TTC34: variants seen among roughly 807,000 people sequenced by gnomAD.
TTC34 encodes tetratricopeptide repeat protein 34.
Under a neutral mutation model 40.7 loss-of-function variants are expected in TTC34, and 44 were observed. The observed-to-expected ratio is 1.08, with a 90% confidence interval of 0.85 to 1.39. The LOEUF (loss-of-function observed/expected upper bound fraction) is 1.39. Ranked by LOEUF, TTC34 falls within the 40% of genes most tolerant of loss-of-function variation. The pLI is 0.00. For synonymous variants in TTC34, 422 were observed against 398.6 expected (o/e 1.06, Z -0.70); for missense variants, 884 against 838.0 (o/e 1.05, Z -0.68).
At chr1:2,789,155 G>T (rs953706366) in intron 3 of TTC34, among the ~76,000 whole-genome samples, 7 of 152,202 alleles carry the variant, frequency 4.6e-5, no homozygotes, top group African/African-American at 1.2e-4. Context: ...GGCGCAGGTC[G>T]GGGCGGTGCT....
chr1:2,646,360 A>G (rs943925541), intron 6 of TTC34, among the ~76,000 whole-genome samples: 8 of 152,172 alleles, frequency 5.3e-5, no homozygotes, highest in Non-Finnish European at 7.3e-5. Context: ...GCATTTCCTC[A>G]CATAGTGCAT....
chr1:2,642,181 G>C (rs896688440), intron 8 of TTC34, among the ~76,000 whole-genome samples: 2 of 152,204 alleles, frequency 1.3e-5, no homozygotes, highest in African/African-American at 4.8e-5. Flanking sequence ...TGGCATCCTT[G>C]CCCACTGCTC....
chr1:2,681,086 C>A (rs796530519), intron 6 of TTC34, among the ~76,000 whole-genome samples: 240 of 43,616 alleles, frequency 5.5e-3, no homozygotes, highest in South Asian at 0.011. Context: ...ATCTGACAGC[C>A]TAGAGCAGTG....
At chr1:2,676,963 C>A (rs59386458) in intron 6 of TTC34, among the ~76,000 whole-genome samples, 9 of 116,690 alleles carry the variant, frequency 7.7e-5, no homozygotes, top group Non-Finnish European at 1.3e-4. Flanking sequence ...GAACAGCACC[C>A]TGCACCCCCA....
At position 2,645,544 on chromosome 1, in the gene TTC34, A is replaced by G. The variant is rs1046850219; in HGVS notation, c.2246T>C (p.Val749Ala). The change falls in exon 7 of 9, where the codon GTC becomes GCC. Residue 749 changes from valine (V) to alanine (A), a missense_variant. Coordinates refer to ENST00000401095, the Ensembl canonical transcript of TTC34. This position sits in a 1 kb window ranked among gnomAD's most constrained non-coding sequence, Gnocchi z 4.7. ...CCCGGGGCCGAGCTTCAGAGCAGAG[A>G]CGATGTCGTCCACGGCTTCCTGCAA... 7.7e-6 allele frequency: 8 copies of G among 1,044,440 alleles called. No individual in the cohort carries two copies. Among genetic ancestry groups the G allele is most frequent in the Non-Finnish European group, 9.6e-6 (8 of 834,262 alleles). The allele number at this position is 1,044,440 out of a possible 1,614,324, so 64.7% of individuals were successfully genotyped here.
intron 1 of TTC34, among the ~76,000 whole-genome samples, chr1:2,801,135 C>T (rs889603956): frequency 3.9e-5 from 6 of 152,172 alleles, no homozygotes; most frequent in African/African-American, 1.4e-4. Context: ...CAGCTCAGTT[C>T]CCTCTAAGAA....
chr1:2,642,392 C>T (rs564738442), intron 8 of TTC34, among the ~76,000 whole-genome samples: 50 of 152,308 alleles, frequency 3.3e-4, no homozygotes, highest in African/African-American at 1.0e-3. Flanking sequence ...CTCTGCCCAC[C>T]TTCTGAAGGC....
chr1:2,764,261 C>T (rs1185961072), intron 6 of TTC34, among the ~76,000 whole-genome samples: 2 of 149,896 alleles, frequency 1.3e-5, no homozygotes, highest in Non-Finnish European at 3.0e-5. Context: ...AGCACGCACA[C>T]CCCCAGGCGA....
chr1:2,684,933 C>T (rs1337989892), intron 6 of TTC34, among the ~76,000 whole-genome samples: 20 of 94,110 alleles, frequency 2.1e-4, no homozygotes, highest in South Asian at 7.0e-4. Context: ...GGTGAGCATC[C>T]GACAGCCTGG....
At chr1:2,681,684 A>T (rs1349123926) in intron 6 of TTC34, among the ~76,000 whole-genome samples, 4 of 94,138 alleles carry the variant, frequency 4.2e-5, no homozygotes, top group African/African-American at 1.3e-4. Context: ...AGCATTTGAC[A>T]GCCTGGAACA....
intron 6 of TTC34, among the ~76,000 whole-genome samples, chr1:2,752,247 AATGC>A (rs1641345012): frequency 3.4e-5 from 1 of 29,166 alleles, no homozygotes; most frequent in African/African-American, 1.7e-4. Context: ...ACAGCTCCCA[AATGC>A]CCAGCTGAGC....
At chr1:2,684,831 C>A in intron 6 of TTC34, among the ~76,000 whole-genome samples, 2 of 106,462 alleles carry the variant, frequency 1.9e-5, no homozygotes, top group Non-Finnish European at 3.6e-5. Context: ...GCAGCAGCAC[C>A]CCACACCCAC....
intron 6 of TTC34, among the ~76,000 whole-genome samples, chr1:2,765,765 A>G (rs1641770911): frequency 2.6e-4 from 10 of 37,860 alleles, no homozygotes; most frequent in South Asian, 1.5e-3. Context: ...CCCCCAGGTG[A>G]GCATGTGACA....
At chr1:2,791,283 C>CAGA (rs1643660978) in intron 2 of TTC34, among the ~76,000 whole-genome samples, 1 of 152,186 alleles carries the variant, frequency 6.6e-6, no homozygotes, top group Non-Finnish European at 1.5e-5. Flanking sequence ...GGGCGGGCTT[C>CAGA]AGGTCATGGC....
chr1:2,644,303 C>G (rs1638973633), exon 8 of TTC34: 3 of 1,535,540 alleles, frequency 2.0e-6, no homozygotes, highest in Non-Finnish European at 2.6e-6. Flanking sequence ...CCAGGAGATG[C>G]AGCAGGCAGC....
At chr1:2,684,379 T>A (rs1378280301) in intron 6 of TTC34, among the ~76,000 whole-genome samples, 2 of 151,788 alleles carry the variant, frequency 1.3e-5, no homozygotes, top group African/African-American at 4.9e-5. Context: ...TCTGACAGCC[T>A]GGAACAGAAT....
At chr1:2,674,230 TC>T (rs1639808238) in intron 6 of TTC34, among the ~76,000 whole-genome samples, 1 of 81,824 alleles carries the variant, frequency 1.2e-5, no homozygotes, top group Non-Finnish European at 3.0e-5. Context: ...CTGGAAAAGC[TC>T]CCGCACCCCC....
rs1425292435 is a variant in TTC34 at position 2,796,309 on chromosome 1, T to C, written c.784+3735A>G. Among the ~76,000 whole-genome samples, 1 of 152,246 alleles carries C rather than the reference T, an allele frequency of 6.6e-6. No homozygotes were observed. Among genetic ancestry groups the C allele is most frequent in the African/African-American group, 2.4e-5 (1 of 41,472 alleles). ...AGTAACCTCCAGATGGAAGGTCATT[T>C]GTTGCAGGAAACTGCATCTGTAAAA... On this transcript the variant is annotated intron_variant, in intron 2 of 8. Coordinates refer to ENST00000401095, the Ensembl canonical transcript of TTC34. The surrounding 1 kb of genome is among the most constrained non-coding windows in gnomAD (Gnocchi z 4.5).
At chr1:2,681,947 C>A (rs1288128661) in intron 6 of TTC34, among the ~76,000 whole-genome samples, 2 of 120,964 alleles carry the variant, frequency 1.7e-5, no homozygotes, top group South Asian at 2.7e-4. Context: ...CACCAACACC[C>A]CAAGGCGAGC....
Sources: gnomAD v4.1 joint callset for allele counts (sites outside exome capture counted in the v4.1 genomes callset) on GRCh38, gnomAD v4.1.1 for gene constraint, Gnocchi (gnomAD v3.1) non-coding constraint, MANE v1.5 for transcripts, NCBI Gene and HGNC (gene_info 2026-07-23, HGNC 2026-07-21) for gene names.